Variants in SLC9A9 observed in about 807,000 individuals in gnomAD.
The protein encoded by SLC9A9 is solute carrier family 9 member A9.
Under a neutral mutation model 77.8 loss-of-function variants are expected in SLC9A9, and 62 were observed. The ratio of observed to expected loss-of-function variants is 0.80; its 90% CI spans 0.65 to 0.98. The LOEUF (loss-of-function observed/expected upper bound fraction) is 0.98, where lower values mean the gene tolerates loss of function less well. Ranked by LOEUF, SLC9A9 falls within the 50% of genes least tolerant of loss-of-function variation. The probability of loss-of-function intolerance (pLI) is 0.00; values close to 1 mark genes in which losing one functional copy is unlikely to be tolerated. For missense variants in SLC9A9, 775 were observed against 774.9 expected, an observed-to-expected ratio of 1.00 and a Z score of 0.00; for synonymous variants, 320 against 283.5, an observed-to-expected ratio of 1.13 and a Z score of -1.29.
intron 4 of SLC9A9, among the ~76,000 whole-genome samples, chr3:143,694,233 C>G (rs1278537442): frequency 1.3e-5 from 2 of 151,960 alleles, no homozygotes; most frequent in African/African-American, 4.8e-5. Context: ...TTAAAAATGT[C>G]AATAAGAATG....
At chr3:143,411,623 C>G (rs2034097486) in intron 12 of SLC9A9, among the ~76,000 whole-genome samples, 1 of 151,986 alleles carries the variant, frequency 6.6e-6, no homozygotes, top group Non-Finnish European at 1.5e-5. Flanking sequence ...TCTAGAAAGC[C>G]CTTCCTGTAC....
chr3:143,394,450 T>G (rs763145017), intron 12 of SLC9A9, among the ~76,000 whole-genome samples: 24 of 152,254 alleles, frequency 1.6e-4, no homozygotes, highest in Non-Finnish European at 3.4e-4. Flanking sequence ...ATGGGATGTA[T>G]CTCAAAATAA....
At chr3:143,616,614 G>A (rs1269345484) in intron 6 of SLC9A9, among the ~76,000 whole-genome samples, 1 of 152,154 alleles carries the variant, frequency 6.6e-6, no homozygotes, top group African/African-American at 2.4e-5. Flanking sequence ...ATGATGCCGA[G>A]CTGACTTATG....
chr3:143,350,461 G>A (rs560398630), intron 14 of SLC9A9, among the ~76,000 whole-genome samples: 21 of 152,174 alleles, frequency 1.4e-4, no homozygotes, highest in South Asian at 1.2e-3. Flanking sequence ...TCAGATTTCC[G>A]TGAACACATC....
chr3:143,848,226 G>A lies in SLC9A9; in HGVS notation c.97C>T (p.Leu33Phe). The change falls in exon 1 of 16, where the codon CTT becomes TTT. Residue 33 changes from leucine (L) to phenylalanine (F), a missense_variant. By Grantham distance (22) the Leu-to-Phe change is conservative. Coordinates refer to ENST00000316549, the MANE Select transcript of SLC9A9 (RefSeq NM_173653.4). ...AATAACCAGATTGTCAAAATGGTAA[G>A]GATGAGCAAAAAATTGAAGACAAGC... ...ELLVFNFLLI[L>F]TILTIWLFKN... 6.2e-7 allele frequency: 1 copy of A among 1,614,008 alleles called. No individual in the cohort carries two copies. Among genetic ancestry groups the A allele is most frequent in the South Asian group, 1.1e-5 (1 of 91,070 alleles).
At chr3:143,725,042 G>GC (rs1227094274) in intron 4 of SLC9A9, among the ~76,000 whole-genome samples, 2 of 152,128 alleles carry the variant, frequency 1.3e-5, no homozygotes, top group Non-Finnish European at 2.9e-5. Flanking sequence ...CACTGCCTGG[G>GC]CCCCTACATA....
chr3:143,577,551 G>A (rs546842319), intron 7 of SLC9A9, among the ~76,000 whole-genome samples: 4 of 152,216 alleles, frequency 2.6e-5, no homozygotes, highest in Non-Finnish European at 4.4e-5. Flanking sequence ...ACTTCGATGC[G>A]GCTCTGGCAC....
At chr3:143,378,145 T>C (rs1463906798) in intron 13 of SLC9A9, among the ~76,000 whole-genome samples, 1 of 152,206 alleles carries the variant, frequency 6.6e-6, no homozygotes, top group Non-Finnish European at 1.5e-5. Flanking sequence ...CAGTTTACCT[T>C]TTTCTTATCA....
chr3:143,745,114 T>C (rs906602071), intron 4 of SLC9A9, among the ~76,000 whole-genome samples: 1 of 152,224 alleles, frequency 6.6e-6, no homozygotes, highest in Non-Finnish European at 1.5e-5. Context: ...TAACCTCTAA[T>C]TTAATATGAC....
intron 5 of SLC9A9, among the ~76,000 whole-genome samples, chr3:143,670,907 G>A (rs2039145789): frequency 6.6e-6 from 1 of 152,188 alleles, no homozygotes; most frequent in Admixed American, 6.5e-5. Flanking sequence ...GTGGGAACTT[G>A]ACTCTTGACT....
intron 12 of SLC9A9, among the ~76,000 whole-genome samples, chr3:143,396,484 C>A (rs553651334): frequency 6.6e-6 from 1 of 152,198 alleles, no homozygotes; most frequent in East Asian, 1.9e-4. Context: ...AGGAGATATA[C>A]CTAATGTAAA....
chr3:143,489,864 A>T (rs973882104), intron 11 of SLC9A9, among the ~76,000 whole-genome samples: 2 of 152,120 alleles, frequency 1.3e-5, no homozygotes, highest in African/African-American at 4.8e-5. Context: ...TTAAGACTTG[A>T]ATAGAAGTTT....
chr3:143,807,250 C>T (rs1252427924), intron 2 of SLC9A9, among the ~76,000 whole-genome samples: 1 of 151,854 alleles, frequency 6.6e-6, no homozygotes, highest in African/African-American at 2.4e-5. Flanking sequence ...TCAAGACCAG[C>T]CTGGCCAAAT....
intron 5 of SLC9A9, among the ~76,000 whole-genome samples, chr3:143,668,120 G>A (rs565152123): frequency 2.0e-5 from 3 of 152,198 alleles, no homozygotes; most frequent in African/African-American, 7.2e-5. Flanking sequence ...AGGAAATGTG[G>A]CACATATACA....
At chr3:143,397,502 G>A (rs1401507219) in intron 12 of SLC9A9, among the ~76,000 whole-genome samples, 5 of 152,188 alleles carry the variant, frequency 3.3e-5, no homozygotes, top group African/African-American at 1.2e-4. Context: ...ACTCTCAGGG[G>A]TCTGAGCGAG....
intron 14 of SLC9A9, among the ~76,000 whole-genome samples, chr3:143,283,232 G>A (rs920053767): frequency 6.6e-6 from 1 of 152,150 alleles, no homozygotes; most frequent in Non-Finnish European, 1.5e-5. Context: ...TTTGGACTTA[G>A]TTGATAGTAA....
chr3:143,375,364 T>C (rs894564164), intron 13 of SLC9A9, among the ~76,000 whole-genome samples: 1 of 152,242 alleles, frequency 6.6e-6, no homozygotes, highest in Non-Finnish European at 1.5e-5. Context: ...ATAGGAGTCA[T>C]TTATTCATAC....
At chr3:143,578,994 A>C (rs1353226834) in intron 6 of SLC9A9, among the ~76,000 whole-genome samples, 1 of 152,218 alleles carries the variant, frequency 6.6e-6, no homozygotes, top group Non-Finnish European at 1.5e-5. Flanking sequence ...TTTCTGAGCA[A>C]ACTAGGCATT....
intron 2 of SLC9A9, among the ~76,000 whole-genome samples, chr3:143,822,493 A>G (rs1005064049): frequency 6.6e-6 from 1 of 152,202 alleles, no homozygotes; most frequent in Non-Finnish European, 1.5e-5. Flanking sequence ...AGGCAAGCTT[A>G]AAAGGCAACA....
Sources: allele counts gnomAD v4.1 joint callset (sites outside exome capture counted in the v4.1 genomes callset), GRCh38; gene constraint gnomAD v4.1.1; transcripts MANE v1.5; gene names NCBI Gene and HGNC (gene_info 2026-07-23, HGNC 2026-07-21).